Variants in AGBL4 observed in about 807,000 individuals in gnomAD.
AGBL4 encodes AGBL carboxypeptidase 4.
In AGBL4, 58 loss-of-function variants were observed where a neutral mutation model predicts 66.4. The observed-to-expected ratio is 0.87, with a 90% CI of 0.71 to 1.09. The LOEUF is 1.09. AGBL4 is among the 50% of genes least tolerant of loss of function. The probability of loss-of-function intolerance (pLI) is 0.00; values close to 1 mark genes in which losing one functional copy is unlikely to be tolerated. For missense variants in AGBL4, 579 were observed against 631.0 expected (o/e 0.92, Z 0.88); for synonymous variants, 234 against 222.9 (o/e 1.05, Z -0.44).
At chr1:49,412,379 TA>T (rs1324337713) in intron 3 of AGBL4, among the ~76,000 whole-genome samples, 1 of 152,038 alleles carries the variant, frequency 6.6e-6, no homozygotes, top group Non-Finnish European at 1.5e-5. Context: ...CTAATCCCAT[TA>T]ATGGGATTAG....
intron 3 of AGBL4, among the ~76,000 whole-genome samples, chr1:49,649,426 C>T (rs1179862476): frequency 1.3e-5 from 2 of 152,002 alleles, no homozygotes; most frequent in Non-Finnish European, 2.9e-5. Flanking sequence ...CATAACAACC[C>T]TTAATGTGTA....
rs373073280 is a variant in AGBL4, at chr1:48,588,117, A to G, written c.1105-951T>C. Among the ~76,000 whole-genome samples, 6 of 152,320 alleles carry G rather than the reference A, an allele frequency of 3.9e-5. No individual in the cohort carries two copies. In the East Asian group the frequency reaches 7.7e-4, roughly 20 times the overall value. ...TGAGGTTTCCTCTCTATAGATGAGGAATATGAGATTGCTCATAGAGGTGGA... is the reference window on the plus strand; with the variant it reads ...TGAGGTTTCCTCTCTATAGATGAGGGATATGAGATTGCTCATAGAGGTGGA... On this transcript the variant is annotated intron_variant, in intron 10 of 13. Coordinates refer to ENST00000371839, the MANE Select transcript of AGBL4 (RefSeq NM_032785.4).
At chr1:49,846,339 A>G (rs1412268721) in intron 2 of AGBL4, 2 of 1,532,424 alleles carry the variant, frequency 1.3e-6, no homozygotes, top group Admixed American at 3.4e-5. Flanking sequence ...TGCAGGGACT[A>G]TGGAAAGACC....
At chr1:50,020,212 A>T (rs926744497) in intron 1 of AGBL4, among the ~76,000 whole-genome samples, 7 of 152,074 alleles carry the variant, frequency 4.6e-5, no homozygotes, top group African/African-American at 1.7e-4. Flanking sequence ...AGCAGTGAAA[A>T]ACCAATGAAG....
chr1:49,372,605 CTTTTTCTT>C (rs1420424198), intron 3 of AGBL4, among the ~76,000 whole-genome samples: 4 of 141,424 alleles, frequency 2.8e-5, no homozygotes, highest in African/African-American at 7.8e-5. Context: ...TTTTCTTTTT[CTTTTTCTT>C]TCTTTCTTTC....
intron 3 of AGBL4, among the ~76,000 whole-genome samples, chr1:49,672,577 T>C (rs534837470): frequency 2.6e-5 from 1 of 38,364 alleles, no homozygotes; most frequent in Non-Finnish European, 4.7e-5. Flanking sequence ...AAATCAATAA[T>C]ATACAAAACA....
chr1:49,459,541 ATCTTCTC>A (rs1210773927), intron 3 of AGBL4, among the ~76,000 whole-genome samples: 1 of 150,480 alleles, frequency 6.6e-6, no homozygotes, highest in Non-Finnish European at 1.5e-5. Context: ...TTTTTTTTGG[ATCTTCTC>A]TCTTCTTTTC....
chr1:48,898,430 T>C (rs1260545964), intron 5 of AGBL4, among the ~76,000 whole-genome samples: 1 of 152,214 alleles, frequency 6.6e-6, no homozygotes, highest in Non-Finnish European at 1.5e-5. Flanking sequence ...AGTTTCATAG[T>C]TTCAGGTCTT....
chr1:49,110,152 T>A (rs1246228127), intron 4 of AGBL4, among the ~76,000 whole-genome samples: 1 of 152,202 alleles, frequency 6.6e-6, no homozygotes, highest in African/African-American at 2.4e-5. Flanking sequence ...TGTTTTCTCC[T>A]CCCTTCAATG....
intron 3 of AGBL4, among the ~76,000 whole-genome samples, chr1:49,654,346 A>G (rs1034849305): frequency 3.3e-5 from 5 of 152,118 alleles, no homozygotes; most frequent in African/African-American, 9.7e-5. Context: ...ATTTACAACT[A>G]TGTGGTCAAT....
At chr1:49,039,585 C>T (rs575786024) in intron 5 of AGBL4, among the ~76,000 whole-genome samples, 92 of 152,166 alleles carry the variant, frequency 6.0e-4, no homozygotes, top group African/African-American at 2.1e-3. Context: ...CAAGATAATT[C>T]CTGAGTAAAG....
chr1:48,625,341 C>T (rs1251021525), intron 9 of AGBL4, among the ~76,000 whole-genome samples: 2 of 150,958 alleles, frequency 1.3e-5, no homozygotes, highest in Non-Finnish European at 2.9e-5. Context: ...AAGTGATTTT[C>T]TTCTTTCCTG....
intron 10 of AGBL4, among the ~76,000 whole-genome samples, chr1:48,590,346 C>T (rs2148346728): frequency 6.9e-6 from 1 of 145,610 alleles, no homozygotes; most frequent in South Asian, 2.2e-4. Flanking sequence ...ATGGAGGTTG[C>T]AGTGAGCCAA....
intron 5 of AGBL4, among the ~76,000 whole-genome samples, chr1:49,020,996 G>A (rs1245994623): frequency 2.6e-5 from 4 of 152,166 alleles, no homozygotes; most frequent in Non-Finnish European, 5.9e-5. Flanking sequence ...TCTGAGAGAA[G>A]ACAAACTAGA....
At chr1:49,685,278 T>C (rs1646766574) in intron 3 of AGBL4, among the ~76,000 whole-genome samples, 1 of 152,166 alleles carries the variant, frequency 6.6e-6, no homozygotes. Context: ...TTTTCTTCAA[T>C]CCACAATTTT....
chr1:49,936,247 A>G (rs1044738611), intron 1 of AGBL4, among the ~76,000 whole-genome samples: 2 of 152,320 alleles, frequency 1.3e-5, no homozygotes, highest in East Asian at 3.9e-4. Flanking sequence ...GCGATGGAAG[A>G]TGAAATGAAT....
chr1:49,679,030 G>A (rs1571313746), intron 3 of AGBL4, among the ~76,000 whole-genome samples: 1 of 152,090 alleles, frequency 6.6e-6, no homozygotes, highest in East Asian at 1.9e-4. Flanking sequence ...ATTGGGTGGA[G>A]TGTTCTATAA....
At chr1:49,683,730 G>A (rs2124569271) in intron 3 of AGBL4, among the ~76,000 whole-genome samples, 1 of 152,158 alleles carries the variant, frequency 6.6e-6, no homozygotes, top group Non-Finnish European at 1.5e-5. Context: ...TTCCAAATGA[G>A]GAAACGACAT....
chr1:49,564,321 A>C (rs1413107288), intron 3 of AGBL4, among the ~76,000 whole-genome samples: 1 of 151,806 alleles, frequency 6.6e-6, no homozygotes, highest in Admixed American at 6.6e-5. Flanking sequence ...TTCTGCTCTG[A>C]TTTTAGTTAT....
Sources: allele counts gnomAD v4.1 joint callset (sites outside exome capture counted in the v4.1 genomes callset), GRCh38; gene constraint gnomAD v4.1.1; transcripts MANE v1.5; gene names NCBI Gene and HGNC (gene_info 2026-07-23, HGNC 2026-07-21).